The following PLS3 variants were observed in gnomAD, a reference collection of about 807,000 sequenced individuals.
The protein encoded by PLS3 is plastin-3.
In PLS3, 11 loss-of-function variants were observed where a neutral mutation model predicts 46.5. The ratio of observed to expected loss-of-function variants is 0.24; its 90% CI spans 0.15 to 0.39. The LOEUF (loss-of-function observed/expected upper bound fraction) is 0.39. PLS3 is among the 10% of genes least tolerant of loss of function. The probability of loss-of-function intolerance (pLI) is 1.00; values close to 1 mark genes in which losing one functional copy is unlikely to be tolerated. For missense variants in PLS3, 308 were observed against 461.8 expected, an observed-to-expected ratio of 0.67 and a Z score of 3.05; for synonymous variants, 167 against 162.2, an observed-to-expected ratio of 1.03 and a Z score of -0.22.
chrX:115,632,597 T>C (rs184315909), intron 5 of PLS3, among the ~76,000 whole-genome samples: 4 of 112,089 alleles, frequency 3.6e-5, no homozygotes, highest in East Asian at 5.6e-4. Context: ...GCACCAAATA[T>C]AGTGTCTGGC....
intron 1 of PLS3, among the ~76,000 whole-genome samples, chrX:115,576,954 T>C (rs782191087): frequency 1.9e-4 from 21 of 112,487 alleles, no homozygotes; most frequent in Non-Finnish European, 3.2e-4. Flanking sequence ...AGGAGGCAAC[T>C]GAAGTCTGAT....
intron 8 of PLS3, among the ~76,000 whole-genome samples, chrX:115,638,846 A>G (rs782582290): frequency 6.4e-5 from 7 of 108,783 alleles, no homozygotes; most frequent in Non-Finnish European, 1.1e-4. Context: ...CTGAGTAGCT[A>G]GGACTACAGG....
At chrX:115,646,919 C>G (rs2074957500) in intron 13 of PLS3, among the ~76,000 whole-genome samples, 1 of 112,286 alleles carries the variant, frequency 8.9e-6, no homozygotes, top group African/African-American at 3.2e-5. Flanking sequence ...TTCATTATGA[C>G]TGGGCACCAG....
chrX:115,605,749 C>G (rs782305811), intron 1 of PLS3, among the ~76,000 whole-genome samples: 2 of 111,808 alleles, frequency 1.8e-5, no homozygotes, highest in Middle Eastern at 4.6e-3. Flanking sequence ...CAGGCATGAG[C>G]CAGCACTTGC....
chrX:115,615,676 C>A (rs1556636708), intron 2 of PLS3, among the ~76,000 whole-genome samples: 4 of 110,102 alleles, frequency 3.6e-5, no homozygotes, highest in Non-Finnish European at 7.6e-5. Context: ...TAAAAAAAAA[C>A]GCTTTGTCAA....
rs1240546887 is a variant in PLS3 at position 115,650,413 on chromosome X, T to C, written c.*852T>C. On this transcript the variant is annotated 3_prime_UTR_variant, in exon 16 of 16. Coordinates refer to ENST00000355899, the MANE Select transcript of PLS3 (RefSeq NM_005032.7). ...TTTAAAATGCTGTTGAATATGATAC[T>C]TTTGAGGAGAGAGTGTGCTCAGAAC... The C allele has an allele frequency of 8.9e-6, 1 of 112,285 alleles. No homozygotes were observed. The highest frequency in any genetic ancestry group is 1.9e-5 in the Non-Finnish European group (1 of 53,228). The allele number at this position is 112,285 out of a possible 1,213,427, so 9.3% of individuals were successfully genotyped here. A position where few individuals can be genotyped will look rare whatever the true frequency, so the allele number is the denominator to read the frequency against.
intron 1 of PLS3, among the ~76,000 whole-genome samples, chrX:115,596,215 A>G (rs1163460166): frequency 3.6e-5 from 4 of 111,929 alleles, no homozygotes; most frequent in East Asian, 2.8e-4. Context: ...GAACTTGACT[A>G]TTTTGTTCAC....
At chrX:115,649,181 A>G (rs1286247788) in intron 15 of PLS3, among the ~76,000 whole-genome samples, 1 of 111,710 alleles carries the variant, frequency 9.0e-6, no homozygotes, top group African/African-American at 3.3e-5. Context: ...TTCTCACCTC[A>G]CATTGGAGAA....
At chrX:115,628,640 C>T (rs781905952) in intron 3 of PLS3, among the ~76,000 whole-genome samples, 150 of 111,931 alleles carry the variant, frequency 1.3e-3, no homozygotes, top group African/African-American at 4.1e-3. Flanking sequence ...CCCAATAAGA[C>T]AATCACTGAA....
At chrX:115,563,734 A>G (rs2074154696) in intron 1 of PLS3, among the ~76,000 whole-genome samples, 1 of 111,666 alleles carries the variant, frequency 9.0e-6, no homozygotes, top group South Asian at 3.7e-4. Flanking sequence ...CTGAGCCTGA[A>G]AACTAGAACA....
chrX:115,627,333 A>T (rs2074721619), intron 3 of PLS3, among the ~76,000 whole-genome samples: 1 of 112,456 alleles, frequency 8.9e-6, no homozygotes, highest in Admixed American at 9.5e-5. Context: ...TCGTAATAAG[A>T]AAAATAACTT....
At chrX:115,596,989 A>G (rs782652469) in intron 1 of PLS3, among the ~76,000 whole-genome samples, 10 of 109,231 alleles carry the variant, frequency 9.2e-5, no homozygotes, top group Non-Finnish European at 1.7e-4. Flanking sequence ...TAGTAAAAAT[A>G]CAAAAACTAG....
chrX:115,566,825 CGTA>C (rs2074177609), intron 1 of PLS3, among the ~76,000 whole-genome samples: 1 of 110,462 alleles, frequency 9.1e-6, no homozygotes, highest in Non-Finnish European at 1.9e-5. Context: ...ATTACAGGCG[CGTA>C]CCACCACGCC....
chrX:115,593,742 G>C (rs781917762), intron 1 of PLS3: 3 of 111,476 alleles, frequency 2.7e-5, no homozygotes, highest in African/African-American at 9.8e-5. Context: ...TGAAATTCCT[G>C]TTATTTATTT....
intron 3 of PLS3, among the ~76,000 whole-genome samples, chrX:115,627,726 GTA>G (rs1263946259): frequency 4.5e-5 from 5 of 112,018 alleles, no homozygotes; most frequent in South Asian, 3.7e-4. Context: ...AGAGTAGTGT[GTA>G]TGTGTGTGTC....
At chrX:115,571,049 C>T (rs1251217334) in intron 1 of PLS3, among the ~76,000 whole-genome samples, 1 of 109,870 alleles carries the variant, frequency 9.1e-6, no homozygotes, top group Non-Finnish European at 1.9e-5. Flanking sequence ...TGCCCACCAC[C>T]ATGCCCTGCT....
chrX:115,576,289 C>T (rs1457447761), intron 1 of PLS3, among the ~76,000 whole-genome samples: 2 of 111,998 alleles, frequency 1.8e-5, no homozygotes, highest in East Asian at 5.6e-4. Flanking sequence ...AATCACCAGG[C>T]CGGAAATGAC....
At chrX:115,589,773 A>T (rs2074332953) in intron 1 of PLS3, among the ~76,000 whole-genome samples, 1 of 112,275 alleles carries the variant, frequency 8.9e-6, no homozygotes. Flanking sequence ...ACTGATACTT[A>T]TGTGAAACTC....
chrX:115,625,735 C>CT (rs1277352885), intron 3 of PLS3, among the ~76,000 whole-genome samples: 4 of 111,396 alleles, frequency 3.6e-5, no homozygotes, highest in Non-Finnish European at 7.5e-5. Context: ...CCAGTCAATT[C>CT]TTTTTTTGCA....
Sources: gnomAD v4.1 joint callset for allele counts (sites outside exome capture counted in the v4.1 genomes callset) on GRCh38, gnomAD v4.1.1 for gene constraint, MANE v1.5 for transcripts, NCBI Gene and HGNC (gene_info 2026-07-23, HGNC 2026-07-21) for gene names.